Variants in LHFPL6 observed in about 807,000 individuals in gnomAD.
The protein encoded by LHFPL6 is LHFPL tetraspan subfamily member 6 protein.
In LHFPL6, 9 loss-of-function variants were observed where a neutral mutation model predicts 20.6. The ratio of observed to expected loss-of-function variants is 0.44; its 90% CI spans 0.26 to 0.76. The LOEUF (loss-of-function observed/expected upper bound fraction) is 0.76. Among genes scored for constraint, LHFPL6 ranks in the 30% least tolerant of loss-of-function variants. The pLI is 0.20. For missense variants in LHFPL6, 218 were observed against 253.5 expected (o/e 0.86, Z 0.95); for synonymous variants, 105 against 98.7 (o/e 1.06, Z -0.38).
chr13:39,565,462 A>G (rs1321959693), intron 2 of LHFPL6, among the ~76,000 whole-genome samples: 1 of 152,238 alleles, frequency 6.6e-6, no homozygotes, highest in Non-Finnish European at 1.5e-5. Context: ...TAGTTGTTAA[A>G]ATAAGATGGA....
chr13:39,454,099 T>C (rs564156661), intron 2 of LHFPL6, among the ~76,000 whole-genome samples: 8 of 152,340 alleles, frequency 5.3e-5, no homozygotes, highest in African/African-American at 1.9e-4. Context: ...CAAGAGCTGA[T>C]TTCTGATTCT....
chr13:39,438,344 T>C (rs1471008463), intron 2 of LHFPL6, among the ~76,000 whole-genome samples: 1 of 152,228 alleles, frequency 6.6e-6, no homozygotes, highest in African/African-American at 2.4e-5. Context: ...TGGTTGCTTC[T>C]AACCACCTAT....
At chr13:39,529,681 C>G (rs573238109) in intron 2 of LHFPL6, among the ~76,000 whole-genome samples, 1 of 152,272 alleles carries the variant, frequency 6.6e-6, no homozygotes, top group African/African-American at 2.4e-5. Context: ...AATGGGGAAT[C>G]TGGGATTTAG....
chr13:39,507,958 CT>C (rs763140195), intron 2 of LHFPL6, among the ~76,000 whole-genome samples: 20 of 135,238 alleles, frequency 1.5e-4, no homozygotes, highest in Non-Finnish European at 2.2e-4. Context: ...CCTTCCTTCC[CT>C]TTTTTTCTCC....
chr13:39,584,106 G>T (rs1872372023), intron 2 of LHFPL6, among the ~76,000 whole-genome samples: 1 of 152,120 alleles, frequency 6.6e-6, no homozygotes, highest in East Asian at 1.9e-4. Context: ...ATTTTGGGGA[G>T]AATTTGATTA....
intron 2 of LHFPL6, among the ~76,000 whole-genome samples, chr13:39,484,784 G>C (rs941959526): frequency 6.6e-6 from 1 of 152,170 alleles, no homozygotes; most frequent in Non-Finnish European, 1.5e-5. Flanking sequence ...TGCGGAGGGG[G>C]ATGAATGAGG....
At chr13:39,516,259 G>A (rs1030563192) in intron 2 of LHFPL6, among the ~76,000 whole-genome samples, 2 of 152,170 alleles carry the variant, frequency 1.3e-5, no homozygotes, top group Non-Finnish European at 2.9e-5. Flanking sequence ...CCTGGCAAAG[G>A]CTTCATGCCC....
intron 2 of LHFPL6, among the ~76,000 whole-genome samples, chr13:39,437,901 C>A (rs78386726): frequency 3.0e-3 from 394 of 133,292 alleles, no homozygotes; most frequent in Middle Eastern, 3.9e-3. Context: ...GACTCCGTCT[C>A]AAAAAAAAAA....
At chr13:39,395,755 A>G (rs1333733350) in intron 2 of LHFPL6, among the ~76,000 whole-genome samples, 1 of 152,186 alleles carries the variant, frequency 6.6e-6, no homozygotes, top group African/African-American at 2.4e-5. Context: ...AGGAAGTCAC[A>G]TTCTAGAAGG....
At chr13:39,400,455 T>C (rs939918185) in intron 2 of LHFPL6, among the ~76,000 whole-genome samples, 1 of 152,140 alleles carries the variant, frequency 6.6e-6, no homozygotes, top group Non-Finnish European at 1.5e-5. Flanking sequence ...AGTGCTGTGT[T>C]AGACAGAATG....
intron 2 of LHFPL6, among the ~76,000 whole-genome samples, chr13:39,571,411 T>C (rs1402141256): frequency 6.6e-6 from 1 of 152,192 alleles, no homozygotes; most frequent in Non-Finnish European, 1.5e-5. Context: ...ACCTTTTGCC[T>C]ATAAAGACCC....
At chr13:39,412,061 G>A (rs1871250684) in intron 2 of LHFPL6, among the ~76,000 whole-genome samples, 1 of 152,180 alleles carries the variant, frequency 6.6e-6, no homozygotes, top group Non-Finnish European at 1.5e-5. Flanking sequence ...TCATATGGAA[G>A]CTGACTGGTA....
intron 2 of LHFPL6, among the ~76,000 whole-genome samples, chr13:39,461,191 G>A (rs955702384): frequency 6.6e-6 from 1 of 152,102 alleles, no homozygotes; most frequent in African/African-American, 2.4e-5. Flanking sequence ...GGCTGCATAG[G>A]AGTCCATGGT....
At chr13:39,388,901 C>G (rs188431145) in intron 2 of LHFPL6, among the ~76,000 whole-genome samples, 1 of 152,294 alleles carries the variant, frequency 6.6e-6, no homozygotes, top group East Asian at 1.9e-4. Context: ...TCCCGGCAGG[C>G]TTGTAGAGCG....
chr13:39,352,281 A>G, intron 3 of LHFPL6, among the ~76,000 whole-genome samples: 1 of 152,196 alleles, frequency 6.6e-6, no homozygotes, highest in Non-Finnish European at 1.5e-5. Flanking sequence ...TGTGAGCCCT[A>G]GCTGATTAAG....
At chr13:39,575,187 G>A (rs1398300532) in intron 2 of LHFPL6, among the ~76,000 whole-genome samples, 5 of 152,064 alleles carry the variant, frequency 3.3e-5, no homozygotes, top group South Asian at 2.1e-4. Flanking sequence ...CCACATACAC[G>A]GGTAACCAGA....
At chr13:39,599,407 T>C (rs1872862858) in intron 2 of LHFPL6, among the ~76,000 whole-genome samples, 1 of 152,254 alleles carries the variant, frequency 6.6e-6, no homozygotes, top group Non-Finnish European at 1.5e-5. Context: ...CATTTCCACT[T>C]TCAATGACAA....
intron 3 of LHFPL6, among the ~76,000 whole-genome samples, chr13:39,345,988 G>A (rs1308142708): frequency 6.6e-6 from 1 of 152,110 alleles, no homozygotes; most frequent in African/African-American, 2.4e-5. Flanking sequence ...CTGTGGGGTG[G>A]GGTTTGCATA....
chr13:39,492,082 G>A (rs558441299), intron 2 of LHFPL6, among the ~76,000 whole-genome samples: 1 of 152,312 alleles, frequency 6.6e-6, no homozygotes, highest in South Asian at 2.1e-4. Context: ...CTTATCTCTA[G>A]TACAGTGCCA....
Sources: gnomAD v4.1 joint callset for allele counts (sites outside exome capture counted in the v4.1 genomes callset) on GRCh38, gnomAD v4.1.1 for gene constraint, MANE v1.5 for transcripts, NCBI Gene and HGNC (gene_info 2026-07-23, HGNC 2026-07-21) for gene names.